Variants in HERC1 observed in about 807,000 individuals in gnomAD.
HERC1 encodes probable E3 ubiquitin-protein ligase HERC1.
Under a neutral mutation model 554.3 loss-of-function variants are expected in HERC1, and 160 were observed. That is an observed-to-expected ratio of 0.29 (90% CI 0.25 to 0.33). HERC1 has a LOEUF of 0.33. Among genes scored for constraint, HERC1 ranks in the 10% least tolerant of loss-of-function variants. The pLI is 1.00. For missense variants in HERC1, 4,919 were observed against 5,918.5 expected (o/e 0.83, Z 5.54); for synonymous variants, 2,175 against 2,131.7 (o/e 1.02, Z -0.56).
At chr15:63,832,369 GAAACACATATATC>G (rs1308757141) in intron 1 of HERC1, among the ~76,000 whole-genome samples, 2 of 152,002 alleles carry the variant, frequency 1.3e-5, no homozygotes, top group African/African-American at 2.4e-5. Flanking sequence ...GCAGGCTATG[GAAACACATATATC>G]AAAGAGACAT....
At chr15:63,661,167 A>G (rs140742435) in intron 45 of HERC1, 142 bp from the exon 46 acceptor site, 32 of 640,574 alleles carry the variant, frequency 5.0e-5, no homozygotes, top group East Asian at 4.9e-4. Flanking sequence ...ATAGGCTAAC[A>G]TAATAAAAAC....
Position 63,727,229 on chromosome 15 carries a change from T to C in HERC1, c.3346+418A>G, listed in dbSNP as rs556778513. On this transcript the variant is annotated intron_variant, in intron 17 of 77. Transcript: ENST00000443617. This position sits in a 1 kb window ranked among gnomAD's most constrained non-coding sequence, Gnocchi z 4.3. ...AGGCAGAGGTTGCAATGAGGCAAGA[T>C]TGCGCCACTGCATTCCAGCCTGGGC... 4.7e-4 allele frequency among the ~76,000 whole-genome samples: 71 copies of C among 152,174 alleles called. No individual in the cohort carries two copies. Among genetic ancestry groups the C allele is most frequent in the Admixed American group, 2.4e-3 (36 of 15,290 alleles).
chr15:63,780,235 G>C (rs2076247938), intron 1 of HERC1, among the ~76,000 whole-genome samples: 1 of 152,030 alleles, frequency 6.6e-6, no homozygotes, highest in East Asian at 1.9e-4. Context: ...TGATTCTTAA[G>C]TATTTTTGAT....
At chr15:63,663,925 T>C (rs2152939249) in intron 43 of HERC1, among the ~76,000 whole-genome samples, 1 of 152,354 alleles carries the variant, frequency 6.6e-6, no homozygotes, top group South Asian at 2.1e-4. Context: ...TCAAATTCTG[T>C]TTTGACAAAT....
chr15:63,793,909 G>A (rs2076730808), intron 1 of HERC1, among the ~76,000 whole-genome samples: 1 of 152,174 alleles, frequency 6.6e-6, no homozygotes, highest in South Asian at 2.1e-4. Context: ...GCCACAGGAT[G>A]AGATAGGAGG....
chr15:63,746,139 AT>A (rs571034240), intron 12 of HERC1, among the ~76,000 whole-genome samples: 22 of 151,528 alleles, frequency 1.5e-4, no homozygotes, highest in Middle Eastern at 3.4e-3. Context: ...TTCGATATAT[AT>A]TTTTTTTAAT....
intron 57 of HERC1, among the ~76,000 whole-genome samples, chr15:63,644,646 G>T (rs2069238205): frequency 6.6e-6 from 1 of 152,148 alleles, no homozygotes; most frequent in Non-Finnish European, 1.5e-5. Context: ...TCATAGCAAG[G>T]ATTCTGGCAT....
chr15:63,744,663 C>T (rs1415216622), intron 12 of HERC1, among the ~76,000 whole-genome samples: 2 of 152,166 alleles, frequency 1.3e-5, no homozygotes, highest in African/African-American at 4.8e-5. Context: ...CAGACAAGCA[C>T]CACTGTTCCC....
In HERC1 at chr15:63,746,987, C is replaced by A. The variant is rs951669373; in HGVS notation, c.2451G>T (p.Arg817Ser). ...AGGVATSILG[R>S]QAGPLRNLLF... ...GCAAATTTCGAAGTGGACCTGCCTG[C>A]CTCCCGAGAATGCTGGTAGCTACCC... Residue 817 changes from arginine (R) to serine (S), a missense_variant, in exon 12 of 78, where the codon AGG becomes AGT. Arg to Ser is a moderately radical substitution (Grantham distance 110). This residue lies in a region of HERC1 where 744 missense variants were observed against 1,090.0 expected (regional missense o/e 0.68). Coordinates refer to ENST00000443617, the MANE Select transcript of HERC1 (RefSeq NM_003922.4). 4.5e-6 allele frequency: 7 copies of A among 1,566,992 alleles called. No individual in the cohort carries two copies. Among genetic ancestry groups the A allele is most frequent in the Non-Finnish European group, 6.1e-6 (7 of 1,155,978 alleles).
rs1304694923 is a variant in HERC1, at chr15:63,775,427, T to C, written c.197A>G (p.Glu66Gly). ...CLKGPQLPDF[E>G]RESLSSDEQD... ...CTCATCACTTGAAAGAGACTCACGT[T>C]CAAAGTCTGGCAACTGTGGTCCTTT... is the stretch of plus-strand genomic sequence containing the variant. Residue 66 changes from glutamate to glycine, a missense_variant, in exon 2 of 78, where the codon GAA (glutamate) becomes GGA (glycine). By Grantham distance (98) the Glu-to-Gly change is moderately conservative. Around this residue, in one of 11 missense-constraint regions of HERC1, gnomAD observed 110 missense variants for 99.3 expected, o/e 1.11. Coordinates refer to ENST00000443617, the MANE Select transcript of HERC1 (RefSeq NM_003922.4). This position sits in a 1 kb window ranked among gnomAD's most constrained non-coding sequence, Gnocchi z 4.0. 1 of 1,613,892 alleles carries C rather than the reference T, an allele frequency of 6.2e-7. No homozygotes were observed. Among genetic ancestry groups the C allele is most frequent in the Non-Finnish European group, 8.5e-7 (1 of 1,179,874 alleles).
In HERC1 at chr15:63,674,888, T is replaced by A. The variant is rs776977581; in HGVS notation, c.7300A>T (p.Ser2434Cys). The A allele has an allele frequency of 6.2e-7, 1 of 1,614,016 alleles. No individual in the cohort carries two copies. The highest frequency in any genetic ancestry group is 1.1e-5 in the South Asian group (1 of 91,086). Residue 2434 changes from serine to cysteine, a missense_variant, in exon 38 of 78, where the codon AGT (serine) becomes TGT (cysteine). By Grantham distance (112) the Ser-to-Cys change is moderately radical (BLOSUM62 -1). Around this residue, in one of 11 missense-constraint regions of HERC1, gnomAD observed 1,963 missense variants for 2,228.6 expected, o/e 0.88. Coordinates refer to ENST00000443617, the MANE Select transcript of HERC1 (RefSeq NM_003922.4). ...EKGDVEQKPE[S>C]ESALDMRTGL... ...GTTCGCATATCTAAAGCGGATTCAC[T>A]CTCAGGTTTCTGCTCAACATCCCCT... is the stretch of plus-strand genomic sequence containing the variant.
chr15:63,691,604 T>A (rs2072114802), intron 31 of HERC1, among the ~76,000 whole-genome samples: 1 of 151,696 alleles, frequency 6.6e-6, no homozygotes, highest in Non-Finnish European at 1.5e-5. Context: ...TTTTTCTTTA[T>A]CCTCTTGAAA....
At chr15:63,729,178 GC>G in intron 16 of HERC1, 57 bp downstream of exon 16, 3 of 1,471,152 alleles carry the variant, frequency 2.0e-6, no homozygotes, top group African/African-American at 2.8e-5. Flanking sequence ...ACTTTGGAAA[GC>G]CAAGTGTTCT....
chr15:63,615,837 G>A lies in HERC1; in HGVS notation c.14025C>T (p.Leu4675=). 6.2e-7 allele frequency: 1 copy of A among 1,607,410 alleles called. No individual in the cohort carries two copies. Residue 4675 remains leucine (L), a synonymous_variant, in exon 76 of 78, where the codon CTC becomes CTT. Transcript: ENST00000443617. ...CATATTCCTTCCTGTTGGAAAATGT[G>A]AGTGGGATACTATTTCCACCAGGGA... ...PIIPGGNSIP[L]TFSNRKEYVE... is the part of the protein sequence containing the mutation.
At chr15:63,655,184 T>C (rs2069958499) in intron 50 of HERC1, among the ~76,000 whole-genome samples, 2 of 151,712 alleles carry the variant, frequency 1.3e-5, no homozygotes, top group Admixed American at 1.3e-4. Flanking sequence ...CGAAACCCCA[T>C]CTCTACTAAA....
At chr15:63,618,808 G>A (rs181952425) in intron 74 of HERC1, among the ~76,000 whole-genome samples, 1 of 152,174 alleles carries the variant, frequency 6.6e-6, no homozygotes. Flanking sequence ...TCTGTTATTG[G>A]TGTATAAGAA....
At chr15:63,735,886 T>C (rs1029380098) in intron 12 of HERC1, among the ~76,000 whole-genome samples, 1 of 152,126 alleles carries the variant, frequency 6.6e-6, no homozygotes. Context: ...TTTCTCAGAG[T>C]ACTCTACTCA....
rs767556358 is a variant in HERC1 at position 63,636,168 on chromosome 15, G to C, written c.12233-26C>G. 8 of 1,600,266 alleles carry C rather than the reference G, an allele frequency of 5.0e-6. No homozygotes were observed. The South Asian group carries it at 6.7e-5, about 13-fold the overall frequency. On this transcript the variant is annotated intron_variant, in intron 64 of 77. Transcript: ENST00000443617. ...CTGGAACAGAACAGAAACCCAACAG[G>C]AGTCACTGGATGTTAAAACTCTCCT... is the stretch of plus-strand genomic sequence containing the variant.
At position 63,694,304 on chromosome 15, in the gene HERC1, A is replaced by T; in HGVS notation, c.5480+8T>A. On this transcript the variant is annotated splice_region_variant and intron_variant, in intron 29 of 77. Transcript: ENST00000443617. The surrounding 1 kb of genome is among the most constrained non-coding windows in gnomAD (Gnocchi z 4.3). ...ATACAGTTCTACAAAGACATCTACCATACTTACCCAGTAGTGATGGCTAGA... is the reference window on the plus strand; with the variant it reads ...ATACAGTTCTACAAAGACATCTACCTTACTTACCCAGTAGTGATGGCTAGA... 1 of 1,609,050 alleles carries T rather than the reference A, an allele frequency of 6.2e-7. No individual in the cohort carries two copies. The highest frequency in any genetic ancestry group is 8.5e-7 in the Non-Finnish European group (1 of 1,177,268).
Sources: allele counts gnomAD v4.1 joint callset (sites outside exome capture counted in the v4.1 genomes callset), GRCh38; gene constraint gnomAD v4.1.1; regional missense constraint gnomAD v4.1.1; non-coding constraint Gnocchi (gnomAD v3.1); transcripts MANE v1.5; gene names NCBI Gene and HGNC (gene_info 2026-07-23, HGNC 2026-07-21).